The following SRM variants were observed in gnomAD, a reference collection of about 807,000 sequenced individuals.
The protein encoded by SRM is spermidine synthase.
In SRM, 14 loss-of-function variants were observed where a neutral mutation model predicts 39.3. The observed-to-expected ratio is 0.36, with a 90% CI of 0.24 to 0.56. The LOEUF (loss-of-function observed/expected upper bound fraction) is 0.56. Ranked by LOEUF, SRM falls within the 20% of genes least tolerant of loss-of-function variation. The pLI is 0.86. For missense variants in SRM, 244 were observed against 409.2 expected (o/e 0.60, Z 3.48); for synonymous variants, 195 against 173.1 (o/e 1.13, Z -0.99).
chr1:11,055,673 C>T lies in SRM; in HGVS notation c.765+108G>A, dbSNP rs541486800. On this transcript the variant is annotated intron_variant, in intron 6 of 7. Coordinates refer to ENST00000376957, the MANE Select transcript of SRM (RefSeq NM_003132.3). ...CTTGTGATCTGCCCGCCTCAGCCTC[C>T]CAAAGTGCTGGGATTACAGGTGTGA... 1.5e-5 allele frequency: 18 copies of T among 1,219,892 alleles called. No homozygotes were observed. The South Asian group carries it at 2.5e-4, about 17-fold the overall frequency. 75.6% of individuals were successfully genotyped at this position (1,219,892 alleles called of 1,614,324 possible).
At position 11,059,217 on chromosome 1, in the gene SRM, T is replaced by C. The variant is rs1327508577; in HGVS notation, c.288+8A>G. On this transcript the variant is annotated splice_region_variant and intron_variant, in intron 2 of 7. Transcript: ENST00000376957. ...CGTCCGGCACTGTTCCAGGGGACAC[T>C]GGGGTACCTTTCGCGGGTTGGGGTG... 2 of 1,613,368 alleles carry C rather than the reference T, an allele frequency of 1.2e-6. No individual in the cohort carries two copies. Among genetic ancestry groups the C allele is most frequent in the Non-Finnish European group, 1.7e-6 (2 of 1,179,938 alleles).
chr1:11,054,891 G>A lies in SRM; in HGVS notation c.889-6C>T, dbSNP rs1638841541. ...CAGCTCACATCATTCAGGGCCTGGAGGGACATGAGGCCAGTCAGGAGGGCG... is the reference window on the plus strand; with the variant it reads ...CAGCTCACATCATTCAGGGCCTGGAAGGACATGAGGCCAGTCAGGAGGGCG... On this transcript the variant is annotated splice_polypyrimidine_tract_variant and splice_region_variant and intron_variant, in intron 7 of 7. Transcript: ENST00000376957. The surrounding 1 kb of genome is among the most constrained non-coding windows in gnomAD (Gnocchi z 4.8). 7 of 1,611,126 alleles carry A rather than the reference G, an allele frequency of 4.3e-6. No homozygotes were observed. Among genetic ancestry groups the A allele is most frequent in the Non-Finnish European group, 5.9e-6 (7 of 1,179,478 alleles).
In SRM at chr1:11,054,863, G is replaced by T; in HGVS notation, c.*2C>A. On this transcript the variant is annotated 3_prime_UTR_variant, in exon 8 of 8. Coordinates refer to ENST00000376957, the MANE Select transcript of SRM (RefSeq NM_003132.3). The surrounding 1 kb of genome is among the most constrained non-coding windows in gnomAD (Gnocchi z 4.8). Reference sequence around the variant, plus strand: ...GGGTGGCATCAGTGGTGGCGCCTGGGCTCAGCTCACATCATTCAGGGCCTG... The same window carrying T: ...GGGTGGCATCAGTGGTGGCGCCTGGTCTCAGCTCACATCATTCAGGGCCTG... 6.2e-7 allele frequency: 1 copy of T among 1,606,688 alleles called. No homozygotes were observed. The highest frequency in any genetic ancestry group is 8.5e-7 in the Non-Finnish European group (1 of 1,176,440).
intron 2 of SRM, 29 bp downstream of exon 2, chr1:11,059,196 C>T (rs372786182): frequency 3.7e-6 from 6 of 1,612,874 alleles, no homozygotes; most frequent in Non-Finnish European, 5.1e-6. Context: ...GCCCCTCGTC[C>T]GGCACTGTTC....
intron 6 of SRM, 31 bp downstream of exon 6, chr1:11,055,750 C>CCAACCCCCCCCCCCCA: frequency 1.3e-6 from 2 of 1,502,846 alleles, no homozygotes; most frequent in African/African-American, 1.4e-5. Context: ...ACCTTCCCCC[C>CCAACCCCCCCCCCCCA]AACCCCCACC....
rs1397312225 is a variant in SRM, at chr1:11,054,693, G to GAC, written c.*170_*171dup. ...TTGGAGGTGGAACGCCAGAGAGACAGACACACAGACAGTCCGCCCAGCAGG... is the reference window on the plus strand; with the variant it reads ...TTGGAGGTGGAACGCCAGAGAGACAGACACACACAGACAGTCCGCCCAGCAGG... On this transcript the variant is annotated 3_prime_UTR_variant, in exon 8 of 8. Coordinates refer to ENST00000376957, the MANE Select transcript of SRM (RefSeq NM_003132.3). This position sits in a 1 kb window ranked among gnomAD's most constrained non-coding sequence, Gnocchi z 4.8. 1.6e-5 allele frequency: 15 copies of GAC among 931,170 alleles called. No homozygotes were observed. The highest frequency in any genetic ancestry group is 2.0e-5 in the Non-Finnish European group (13 of 640,218). 57.7% of individuals were successfully genotyped at this position (931,170 alleles called of 1,614,324 possible). A position where few individuals can be genotyped will look rare whatever the true frequency, so the allele number is the denominator to read the frequency against.
At chr1:11,055,562 G>C (rs976946636) in intron 6 of SRM, among the ~76,000 whole-genome samples, 7 of 152,010 alleles carry the variant, frequency 4.6e-5, no homozygotes. Flanking sequence ...CTACAGGCGC[G>C]CGCTGCCATG....
rs1433131151 is a variant in SRM, at chr1:11,055,778, C to T, written c.765+3G>A. On this transcript the variant is annotated splice_donor_region_variant and intron_variant, in intron 6 of 7. Coordinates refer to ENST00000376957, the MANE Select transcript of SRM (RefSeq NM_003132.3). ...CCCCCACCCCCAGACACCCCCATCT[C>T]ACCGGGTTCTTGCTGCACAGCATGA... 1 of 1,215,896 alleles carries T rather than the reference C, an allele frequency of 8.2e-7. No homozygotes were observed. Among genetic ancestry groups the T allele is most frequent in the Non-Finnish European group, 1.1e-6 (1 of 892,828 alleles). 75.3% of individuals were successfully genotyped at this position (1,215,896 alleles called of 1,614,324 possible).
chr1:11,059,652 G>T, intron 1 of SRM, 125 bp downstream of exon 1: 3 of 1,190,716 alleles, frequency 2.5e-6, no homozygotes, highest in Non-Finnish European at 3.4e-6. Context: ...GTGAGGGGTG[G>T]CGAGGGGGCC....
At chr1:11,058,749 C>T in intron 3 of SRM, 51 bp downstream of exon 3, 1 of 1,508,626 alleles carries the variant, frequency 6.6e-7, no homozygotes, top group Admixed American at 2.0e-5. Context: ...CAGGGCACAG[C>T]TGGCCGCTGG....
intron 2 of SRM, 141 bp from the exon 3 acceptor site, chr1:11,059,033 T>C: frequency 1.5e-6 from 2 of 1,313,646 alleles, no homozygotes; most frequent in South Asian, 2.8e-5. Flanking sequence ...GGTGTCCCCT[T>C]TCCTGGAAGT....
intron 6 of SRM, 88 bp from the exon 7 acceptor site, chr1:11,055,172 C>T: frequency 6.8e-7 from 1 of 1,471,638 alleles, no homozygotes; most frequent in Non-Finnish European, 9.0e-7. Flanking sequence ...CGCTGGAGTG[C>T]AGTGGCGTCA....
At chr1:11,056,123 A>T in intron 4 of SRM, 29 bp from the exon 5 acceptor site, 1 of 1,582,510 alleles carries the variant, frequency 6.3e-7, no homozygotes, top group Non-Finnish European at 8.6e-7. Context: ...GACACACTGA[A>T]CAGTCTGGCT....
At position 11,058,873 on chromosome 1, in the gene SRM, C is replaced by T; in HGVS notation, c.308G>A (p.Gly103Glu). ...NPRKVLIIGG[G>E]DGGVLREVVK... is the part of the protein sequence containing the mutation. ...CACCTCCCGCAGGACACCTCCATCT[C>T]CGCCCCCGATGATCAGCACCTGGGA... The change falls in exon 3 of 8, where the codon GGA becomes GAA. Residue 103 changes from glycine (G) to glutamate (E), a missense_variant. Transcript: ENST00000376957. 1 of 1,610,352 alleles carries T rather than the reference C, an allele frequency of 6.2e-7. No homozygotes were observed. Among genetic ancestry groups the T allele is most frequent in the Non-Finnish European group, 8.5e-7 (1 of 1,179,050 alleles).
At chr1:11,056,790 A>G (rs879227562) in intron 3 of SRM, 33 bp from the exon 4 acceptor site, 1 of 1,612,686 alleles carries the variant, frequency 6.2e-7, no homozygotes, top group Non-Finnish European at 8.5e-7. Context: ...GTCTGGGCCA[A>G]GGGGCTGGGG....
intron 4 of SRM, 143 bp from the exon 5 acceptor site, chr1:11,056,237 G>C: frequency 1.2e-6 from 1 of 805,076 alleles, no homozygotes; most frequent in Non-Finnish European, 2.0e-6. Context: ...ATTCTTGGGG[G>C]AGTCTCATTG....
At chr1:11,055,207 T>C in intron 6 of SRM, 123 bp from the exon 7 acceptor site, 3 of 1,367,182 alleles carry the variant, frequency 2.2e-6, no homozygotes, top group Non-Finnish European at 1.9e-6. Context: ...AACCTCTGTC[T>C]CCCAGGTTCA....
intron 1 of SRM, 117 bp from the exon 2 acceptor site, chr1:11,059,462 G>A: frequency 6.6e-7 from 1 of 1,518,202 alleles, no homozygotes; most frequent in Non-Finnish European, 8.9e-7. Flanking sequence ...GGGATGAGGA[G>A]CGATGGTGAC....
At chr1:11,056,988 C>T (rs1638890291) in intron 3 of SRM, among the ~76,000 whole-genome samples, 1 of 151,394 alleles carries the variant, frequency 6.6e-6, no homozygotes, top group South Asian at 2.1e-4. Context: ...AGGTGATCCT[C>T]CCCCATCAGC....
Sources: gnomAD v4.1 joint callset for allele counts (sites outside exome capture counted in the v4.1 genomes callset) on GRCh38, gnomAD v4.1.1 for gene constraint, Gnocchi (gnomAD v3.1) non-coding constraint, MANE v1.5 for transcripts, NCBI Gene and HGNC (gene_info 2026-07-23, HGNC 2026-07-21) for gene names.